POR: variants seen among roughly 807,000 people sequenced by gnomAD.
The protein encoded by POR is NADPH--cytochrome P450 reductase.
In POR, 56 loss-of-function variants were observed where a neutral mutation model predicts 84.0. The observed-to-expected ratio is 0.67, with a 90% CI of 0.54 to 0.83. POR has a LOEUF of 0.83. Ranked by LOEUF, POR falls within the 40% of genes least tolerant of loss-of-function variation. The pLI is 0.00. For missense variants in POR, 938 were observed against 944.3 expected, an observed-to-expected ratio of 0.99 and a Z score of 0.09; for synonymous variants, 414 against 400.5, an observed-to-expected ratio of 1.03 and a Z score of -0.40.
At position 75,920,056 on chromosome 7, in the gene POR, C is replaced by CTT. The variant is rs71519397; in HGVS notation, c.-5+4903_-5+4904dup. 7.3e-3 allele frequency among the ~76,000 whole-genome samples: 559 copies of CTT among 76,522 alleles called. 109 individuals are homozygous for CTT. Among genetic ancestry groups the CTT allele is most frequent in the African/African-American group, 0.021 (371 of 17,334 alleles). 50.2% of individuals were successfully genotyped at this position (76,522 alleles called of 152,430 possible). ...GGACTGTTCTCCAAGAGTTGAATTT[C>CTT]TTTTTTTTTTTTTTTTTTTTTTTTT... On this transcript the variant is annotated intron_variant, in intron 1 of 15. Transcript: ENST00000461988.
chr7:75,956,794 C>T (rs566695423), intron 2 of POR, among the ~76,000 whole-genome samples: 1 of 151,938 alleles, frequency 6.6e-6, no homozygotes, highest in Non-Finnish European at 1.5e-5. Flanking sequence ...GGTGCAATCT[C>T]GGCTCACTGC....
chr7:75,981,718 G>A (rs1030147041), intron 7 of POR, 112 bp downstream of exon 7: 56 of 877,230 alleles, frequency 6.4e-5, no homozygotes, highest in Admixed American at 1.0e-4. Context: ...AAGACACTCC[G>A]TCATAGGGTC....
rs1554559217 is a variant in POR, at chr7:75,985,864, A to G, written c.1669+15A>G. The G allele has an allele frequency of 6.5e-7, 1 of 1,550,314 alleles. No homozygotes were observed. Among genetic ancestry groups the G allele is most frequent in the Non-Finnish European group, 8.7e-7 (1 of 1,144,428 alleles). Reference sequence around the variant, plus strand: ...GCGACAGCAGGGTGAGTGGGGTCCCATGGGGGAGAGGGGGTGACGACTGGG... The same window carrying G: ...GCGACAGCAGGGTGAGTGGGGTCCCGTGGGGGAGAGGGGGTGACGACTGGG... On this transcript the variant is annotated intron_variant, in intron 13 of 15. Coordinates refer to ENST00000461988, the MANE Select transcript of POR (RefSeq NM_000941.3).
intron 1 of POR, among the ~76,000 whole-genome samples, chr7:75,940,936 G>A (rs1343711857): frequency 6.6e-6 from 1 of 152,168 alleles, no homozygotes; most frequent in Non-Finnish European, 1.5e-5. Context: ...CAAGGTGCGA[G>A]GATCGCTTGA....
intron 1 of POR, among the ~76,000 whole-genome samples, chr7:75,916,065 A>G (rs1554548033): frequency 6.6e-6 from 1 of 152,114 alleles, no homozygotes; most frequent in Non-Finnish European, 1.5e-5. Context: ...TGATGCCAGC[A>G]CAAAAGGAGA....
At chr7:75,982,428 AG>A (rs1355728911) in intron 8 of POR, 106 bp downstream of exon 8, 2 of 951,340 alleles carry the variant, frequency 2.1e-6, no homozygotes, top group Non-Finnish European at 3.2e-6. Context: ...CCTTCTCACC[AG>A]ACCCCGTGCC....
chr7:75,930,663 CA>C (rs1342531920), intron 1 of POR, among the ~76,000 whole-genome samples: 1 of 151,998 alleles, frequency 6.6e-6, no homozygotes, highest in Non-Finnish European at 1.5e-5. Context: ...GCTGGAATTA[CA>C]AGCATGTGCC....
intron 2 of POR, among the ~76,000 whole-genome samples, chr7:75,970,659 C>A (rs1788388210): frequency 6.6e-6 from 1 of 151,660 alleles, no homozygotes. Context: ...TGGATACTCT[C>A]TTTAAGAAAA....
chr7:75,934,122 AGTGTGTGTGTGTGTGTGTGTGTGT>A (rs58236447), intron 1 of POR, among the ~76,000 whole-genome samples: 8 of 126,852 alleles, frequency 6.3e-5, no homozygotes, highest in African/African-American at 2.0e-4. Flanking sequence ...AAGACCTCAG[AGTGTGTGTGTGTGTGTGTGTGTGT>A]GTGTGTGTGT....
chr7:75,923,375 T>C, intron 1 of POR: 1 of 761,786 alleles, frequency 1.3e-6, no homozygotes, highest in East Asian at 2.5e-5. Context: ...GTGGACTTTC[T>C]GAAGGAGATT....
In POR at chr7:75,986,300, G is replaced by A. The variant is rs781806303; in HGVS notation, c.1899-37G>A. 4 of 1,612,598 alleles carry A rather than the reference G, an allele frequency of 2.5e-6. No homozygotes were observed. The African/African-American group carries it at 5.3e-5, about 22-fold the overall frequency. Reference sequence around the variant, plus strand: ...GGAGGACAAGGCCCTGCCTGCCACAGTTGGCCCAGCCCCCAGCACCCCCTC... The same window carrying A: ...GGAGGACAAGGCCCTGCCTGCCACAATTGGCCCAGCCCCCAGCACCCCCTC... On this transcript the variant is annotated intron_variant, in intron 15 of 15. Transcript: ENST00000461988.
intron 1 of POR, among the ~76,000 whole-genome samples, chr7:75,930,799 G>A (rs1467493249): frequency 2.0e-5 from 3 of 151,422 alleles, no homozygotes; most frequent in Admixed American, 6.6e-5. Flanking sequence ...TGGGATTACA[G>A]GCATGAGCCA....
In POR at chr7:75,966,902, C is replaced by T. The variant is rs573249783; in HGVS notation, c.189-5511C>T. ...CCTTTCATGCTCCGTTCTGGAGCCA[C>T]GTGGTCTGTGTGCTCCAGGCCTGGG... On this transcript the variant is annotated intron_variant, in intron 2 of 15. Transcript: ENST00000461988. 4.6e-5 allele frequency among the ~76,000 whole-genome samples: 7 copies of T among 152,282 alleles called. No individual in the cohort carries two copies. The East Asian group carries it at 9.7e-4, about 21-fold the overall frequency.
At chr7:75,957,618 A>G (rs1194366489) in intron 2 of POR, among the ~76,000 whole-genome samples, 1 of 152,148 alleles carries the variant, frequency 6.6e-6, no homozygotes, top group East Asian at 1.9e-4. Flanking sequence ...CTGGCCTTAC[A>G]AGAGGAAGTT....
chr7:75,962,523 G>A (rs923337518), intron 2 of POR, among the ~76,000 whole-genome samples: 2 of 152,104 alleles, frequency 1.3e-5, no homozygotes, highest in African/African-American at 4.8e-5. Context: ...GGTCTTGTTC[G>A]AACGTCTGAG....
chr7:75,925,579 A>G (rs1401505843), intron 1 of POR, among the ~76,000 whole-genome samples: 1 of 152,206 alleles, frequency 6.6e-6, no homozygotes, highest in Non-Finnish European at 1.5e-5. Flanking sequence ...GGATCATTGA[A>G]TAAAGCAGTG....
chr7:75,967,669 G>C (rs2116503939), intron 2 of POR, among the ~76,000 whole-genome samples: 1 of 152,048 alleles, frequency 6.6e-6, no homozygotes, highest in South Asian at 2.1e-4. Flanking sequence ...GGGAAACGGG[G>C]AGGGCGTGGG....
At chr7:75,925,386 A>C (rs1442599071) in intron 1 of POR, among the ~76,000 whole-genome samples, 1 of 152,204 alleles carries the variant, frequency 6.6e-6, no homozygotes, top group Non-Finnish European at 1.5e-5. Context: ...TTAGCCAGGC[A>C]TGGTGGTGTG....
chr7:75,917,740 A>G (rs1806643881), intron 1 of POR, among the ~76,000 whole-genome samples: 1 of 151,758 alleles, frequency 6.6e-6, no homozygotes, highest in Non-Finnish European at 1.5e-5. Flanking sequence ...GGTTCAAGCA[A>G]TTTTCCTTGC....
Sources: allele counts gnomAD v4.1 joint callset (sites outside exome capture counted in the v4.1 genomes callset), GRCh38; gene constraint gnomAD v4.1.1; transcripts MANE v1.5; gene names NCBI Gene and HGNC (gene_info 2026-07-23, HGNC 2026-07-21).